The following PTPRZ1 variants were observed in gnomAD, a reference collection of about 807,000 sequenced individuals.
PTPRZ1 encodes the protein protein tyrosine phosphatase receptor type Z1.
In PTPRZ1, 82 loss-of-function variants were observed where a neutral mutation model predicts 214.1. That is an observed-to-expected ratio of 0.38 (90% CI 0.32 to 0.46). The LOEUF is 0.46. PTPRZ1 is among the 20% of genes least tolerant of loss of function. The pLI, the probability that PTPRZ1 is intolerant of heterozygous loss-of-function variation, is 1.00. For missense variants in PTPRZ1, 2,603 were observed against 2,748.7 expected (o/e 0.95, Z 1.19); for synonymous variants, 945 against 987.9 (o/e 0.96, Z 0.81).
chr7:121,997,840 G>A (rs957628846), intron 9 of PTPRZ1, 40 bp from the exon 10 acceptor site: 1 of 1,565,630 alleles, frequency 6.4e-7, no homozygotes. Flanking sequence ...GTAGTCCTAT[G>A]AGAATAACAT....
chr7:122,033,844 A>T (rs1327743199), intron 15 of PTPRZ1: 2 of 489,320 alleles, frequency 4.1e-6, no homozygotes, highest in Non-Finnish European at 7.2e-6. Context: ...AAATCATCAT[A>T]TTATGACATC....
Position 122,012,762 on chromosome 7 carries a change from C to T in PTPRZ1, c.3716C>T (p.Thr1239Ile). 2 of 1,611,058 alleles carry T rather than the reference C, an allele frequency of 1.2e-6. No homozygotes were observed. The highest frequency in any genetic ancestry group is 1.7e-6 in the Non-Finnish European group (2 of 1,177,278). Residue 1239 changes from threonine to isoleucine, a missense_variant, in exon 12 of 30, where the codon ACA becomes ATA. By Grantham distance (89) the Thr-to-Ile change is moderately conservative. Around this residue, in one of 6 missense-constraint regions of PTPRZ1, gnomAD observed 1,913 missense variants for 1,914.3 expected, o/e 1.00. Transcript: ENST00000393386. ...SASSENMLHS[T>I]SVPVFDVSPT... ...TCAAGTGAAAACATGCTGCACTCTA[C>T]ATCTGTACCAGTTTTTGATGTGTCG...
At chr7:121,990,323 C>T (rs758300717) in intron 8 of PTPRZ1, among the ~76,000 whole-genome samples, 5 of 151,954 alleles carry the variant, frequency 3.3e-5, no homozygotes, top group Non-Finnish European at 5.9e-5. Flanking sequence ...TCATTTTTTG[C>T]ATTCACAGCA....
intron 2 of PTPRZ1, among the ~76,000 whole-genome samples, chr7:121,952,895 A>C (rs1584676484): frequency 6.6e-6 from 1 of 152,320 alleles, no homozygotes; most frequent in East Asian, 1.9e-4. Flanking sequence ...CACATAATTT[A>C]AACATCATCC....
In PTPRZ1 at chr7:122,058,922, G is replaced by A. The variant is rs1322697366; in HGVS notation, c.6651G>A (p.Gly2217=). The change falls in exon 28 of 30, where the codon GGG becomes GGA. Residue 2217 remains glycine (G), a synonymous_variant. Coordinates refer to ENST00000393386, the MANE Select transcript of PTPRZ1 (RefSeq NM_002851.3). The part of the protein sequence containing the change: ...VIKEEAANRD[G]PMIVHDEHGG... Reference sequence around the variant, plus strand: ...AAGAAGAAGCTGCCAATAGGGATGGGCCTATGATTGTTCATGATGAGTAAG... The same window carrying A: ...AAGAAGAAGCTGCCAATAGGGATGGACCTATGATTGTTCATGATGAGTAAG... 7 of 1,589,390 alleles carry A rather than the reference G, an allele frequency of 4.4e-6. No homozygotes were observed. Among genetic ancestry groups the A allele is most frequent in the Non-Finnish European group, 3.5e-6 (4 of 1,158,596 alleles).
chr7:122,017,458 T>G (rs961317252), intron 12 of PTPRZ1, among the ~76,000 whole-genome samples: 7 of 152,132 alleles, frequency 4.6e-5, no homozygotes, highest in African/African-American at 1.7e-4. Flanking sequence ...AATTCCATTT[T>G]TCCTAGTAAA....
chr7:122,025,351 CAG>C (rs1799179588), intron 13 of PTPRZ1, among the ~76,000 whole-genome samples: 1 of 130,952 alleles, frequency 7.6e-6, no homozygotes, highest in Non-Finnish European at 1.6e-5. Flanking sequence ...TTTTTTGAGA[CAG>C]AGTTTCACTG....
At chr7:121,974,272 A>G (rs1916872) in intron 4 of PTPRZ1, among the ~76,000 whole-genome samples, 5,439 of 152,268 alleles carry the variant, frequency 0.036, 104 homozygotes, top group East Asian at 0.086. Flanking sequence ...CAAAGTAGTC[A>G]AAGTCAATTC....
chr7:121,939,001 CTT>C (rs1433439962), intron 2 of PTPRZ1, among the ~76,000 whole-genome samples: 1 of 152,160 alleles, frequency 6.6e-6, no homozygotes, highest in Non-Finnish European at 1.5e-5. Context: ...CAGGGCAAAA[CTT>C]TGACTATCCA....
rs1389205682 is a variant in PTPRZ1 at position 122,061,425 on chromosome 7, T to C, written c.*205T>C. The C allele has an allele frequency of 2.8e-6, 1 of 353,996 alleles. No homozygotes were observed. The highest frequency in any genetic ancestry group is 2.1e-5 in the African/African-American group (1 of 47,564). 21.9% of individuals were successfully genotyped at this position (353,996 alleles called of 1,614,324 possible). Reference sequence around the variant, plus strand: ...TGTAATTTACTTATTATGTTTGAACTAAAATGATTGAATTTTACAGTATTT... The same window carrying C: ...TGTAATTTACTTATTATGTTTGAACCAAAATGATTGAATTTTACAGTATTT... On this transcript the variant is annotated 3_prime_UTR_variant, in exon 30 of 30. Transcript: ENST00000393386.
At chr7:121,976,690 C>T in intron 5 of PTPRZ1, 95 bp from the exon 6 acceptor site, 1 of 989,176 alleles carries the variant, frequency 1.0e-6, no homozygotes, top group Non-Finnish European at 1.4e-6. Flanking sequence ...TTTTAATGCA[C>T]ATATTTAAAA....
At chr7:121,986,967 T>C (rs1356016444) in intron 8 of PTPRZ1, among the ~76,000 whole-genome samples, 1 of 152,150 alleles carries the variant, frequency 6.6e-6, no homozygotes, top group Admixed American at 6.5e-5. Flanking sequence ...TATGGAGTGA[T>C]GGGGAGAGGC....
chr7:121,928,348 T>G (rs1259684931), intron 2 of PTPRZ1, 127 bp downstream of exon 2: 4 of 588,464 alleles, frequency 6.8e-6, no homozygotes, highest in Non-Finnish European at 1.2e-5. Context: ...ATAGTTAGAT[T>G]AATTAATAGA....
Position 122,044,525 on chromosome 7 carries a change from T to C in PTPRZ1, c.6041T>C (p.Ile2014Thr). ...HIHAYVNALL[I>T]PGPAGKTKLE... ...CATGCCTATGTTAATGCACTCCTCA[T>C]TCCTGGACCAGCAGGCAAAACAAAG... Residue 2014 changes from isoleucine (I) to threonine (T), a missense_variant, in exon 23 of 30, where the codon ATT becomes ACT. Physicochemically the swap from Ile to Thr is moderately conservative, Grantham distance 89 (BLOSUM62 -1). Transcript: ENST00000393386. 1 of 1,613,886 alleles carries C rather than the reference T, an allele frequency of 6.2e-7. No homozygotes were observed.
intron 27 of PTPRZ1, among the ~76,000 whole-genome samples, chr7:122,057,644 T>A (rs1792399554): frequency 1.2e-5 from 1 of 84,564 alleles, no homozygotes; most frequent in Non-Finnish European, 2.2e-5. Context: ...TCTTTGTGAT[T>A]CTTTTTTTTT....
chr7:121,962,808 C>T (rs899856559), intron 2 of PTPRZ1, among the ~76,000 whole-genome samples: 1 of 151,944 alleles, frequency 6.6e-6, no homozygotes, highest in Non-Finnish European at 1.5e-5. Context: ...TCGTGATCCG[C>T]CCACCTCGGC....
intron 1 of PTPRZ1, among the ~76,000 whole-genome samples, chr7:121,881,105 G>A (rs1794225082): frequency 6.6e-6 from 1 of 152,120 alleles, no homozygotes; most frequent in East Asian, 1.9e-4. Context: ...GGGTAATTAG[G>A]TCATGAGGGT....
At chr7:121,967,911 A>T (rs770759581) in intron 2 of PTPRZ1, 40 bp from the exon 3 acceptor site, 2 of 1,405,652 alleles carry the variant, frequency 1.4e-6, no homozygotes, top group Admixed American at 2.2e-5. Flanking sequence ...TTTGCATGGT[A>T]ATTTAAGAAA....
intron 10 of PTPRZ1, among the ~76,000 whole-genome samples, chr7:122,000,693 A>ATATATATG (rs1798295958): frequency 1.4e-5 from 1 of 70,916 alleles, no homozygotes; most frequent in African/African-American, 5.1e-5. Flanking sequence ...ATATATATAT[A>ATATATATG]TATATATATT....
Sources: gnomAD v4.1 joint callset for allele counts (sites outside exome capture counted in the v4.1 genomes callset) on GRCh38, gnomAD v4.1.1 for gene constraint, gnomAD v4.1.1 regional missense constraint, MANE v1.5 for transcripts, NCBI Gene and HGNC (gene_info 2026-07-23, HGNC 2026-07-21) for gene names.